Variants in LGALS12 observed in about 807,000 individuals in gnomAD.
LGALS12 encodes the protein galectin-12.
LGALS12 carries 36 observed loss-of-function variants against 36.8 expected under a neutral mutation model. That is an observed-to-expected ratio of 0.98 (90% CI 0.75 to 1.29). The LOEUF is 1.29. LGALS12 is among the 50% of genes most tolerant of loss of function. The pLI is 0.00. For synonymous variants in LGALS12, 145 were observed against 155.9 expected, an observed-to-expected ratio of 0.93 and a Z score of 0.52; for missense variants, 366 against 394.3, an observed-to-expected ratio of 0.93 and a Z score of 0.61.
intron 7 of LGALS12, among the ~76,000 whole-genome samples, chr11:63,512,744 G>A (rs954262136): frequency 1.0e-4 from 15 of 149,840 alleles, no homozygotes; most frequent in South Asian, 6.4e-4. Context: ...ATCCGAGATC[G>A]CGCCACTGCA....
Position 63,510,465 on chromosome 11 carries a change from A to G in LGALS12, c.495A>G (p.Pro165=). The change falls in exon 5 of 9, where the codon CCA becomes CCG. Residue 165 remains proline, a splice_region_variant and synonymous_variant. Coordinates refer to ENST00000394618, the MANE Select transcript of LGALS12 (RefSeq NM_033101.4). ...TTCTTTTCTCTCTTTCTGAACAGCC[A>G]TTTGTGGAGGGCAGCAGAGAGTACC... The part of the protein sequence containing the change: ...VEAVGFLNIN[P]FVEGSREYPA... The G allele has an allele frequency of 6.2e-7, 1 of 1,614,150 alleles. No individual in the cohort carries two copies. The highest frequency in any genetic ancestry group is 1.1e-5 in the South Asian group (1 of 91,082).
chr11:63,509,209 A>G (rs1399113655), intron 3 of LGALS12, among the ~76,000 whole-genome samples: 10 of 152,244 alleles, frequency 6.6e-5, no homozygotes, highest in Non-Finnish European at 1.5e-4. Context: ...CACTCCTGCC[A>G]TAGTCATGGC....
intron 5 of LGALS12, 134 bp from the exon 6 acceptor site, chr11:63,510,945 G>A (rs1218482881): frequency 5.5e-5 from 45 of 818,876 alleles, no homozygotes; most frequent in Non-Finnish European, 7.0e-5. Flanking sequence ...GATCCCACTG[G>A]GGCTCCAATG....
chr11:63,511,713 CT>C (rs2016928033), intron 6 of LGALS12, 38 bp from the exon 7 acceptor site: 1 of 1,493,614 alleles, frequency 6.7e-7, no homozygotes, highest in East Asian at 2.3e-5. Flanking sequence ...CCCAGTCCCC[CT>C]GGAAGTCAAC....
intron 7 of LGALS12, among the ~76,000 whole-genome samples, chr11:63,513,586 G>A (rs1051120763): frequency 7.9e-5 from 12 of 152,170 alleles, no homozygotes; most frequent in Admixed American, 2.6e-4. Flanking sequence ...CAGTTCAGCC[G>A]AGATCCACCA....
At chr11:63,512,020 C>T (rs2016941317) in intron 7 of LGALS12, among the ~76,000 whole-genome samples, 180 bp downstream of exon 7, 1 of 152,226 alleles carries the variant, frequency 6.6e-6, no homozygotes, top group African/African-American at 2.4e-5. Context: ...GAAGGTCAGG[C>T]TGGGACTGGG....
At chr11:63,516,224 C>A in intron 8 of LGALS12, 23 bp from the exon 9 acceptor site, 2 of 1,536,360 alleles carry the variant, frequency 1.3e-6, no homozygotes, top group Non-Finnish European at 1.7e-6. Flanking sequence ...AAGCTGCAAC[C>A]CCCTCATGTC....
rs184596246 is a variant in LGALS12 at position 63,515,850 on chromosome 11, G to A, written c.798+137G>A. 1.2e-4 allele frequency: 103 copies of A among 889,430 alleles called. No individual in the cohort carries two copies. In the African/African-American group the frequency reaches 1.4e-3, roughly 12 times the overall value. The allele number at this position is 889,430 out of a possible 1,614,324, so 55.1% of individuals were successfully genotyped here. On this transcript the variant is annotated intron_variant, in intron 8 of 8. Transcript: ENST00000394618. The stretch of plus-strand genomic sequence containing the variant: ...GAGGCCAGAGCCAGCAGAGCACAGC[G>A]AATGTCTGTACAGCAGTCCTCAACG...
At position 63,508,917 on chromosome 11, in the gene LGALS12, C is replaced by A; in HGVS notation, c.298C>A (p.Arg100=). Residue 100 remains arginine (R), a synonymous_variant, in exon 3 of 9, where the codon CGG becomes AGG. Transcript: ENST00000394618. ...TGGTGGACGCTGGCAAAGGGAGGCC[C>A]GGTGGCCCCACCTGGCCCTGCGAAG... is the stretch of plus-strand genomic sequence containing the variant. ...LHGGRWQREA[R]WPHLALRRGS... 1 of 1,614,190 alleles carries A rather than the reference C, an allele frequency of 6.2e-7. No individual in the cohort carries two copies. The highest frequency in any genetic ancestry group is 1.7e-5 in the Admixed American group (1 of 60,032).
rs1157435510 is a variant in LGALS12, at chr11:63,506,445, G to T, written c.-14G>T. ...CCTGGAACGAGGATCTACAGTTGGAGTTGCCCCACTGTCATGTCACCTGGA... is the reference window on the plus strand; with the variant it reads ...CCTGGAACGAGGATCTACAGTTGGATTTGCCCCACTGTCATGTCACCTGGA... On this transcript the variant is annotated 5_prime_UTR_variant, in exon 1 of 9. Transcript: ENST00000394618. The T allele has an allele frequency of 6.2e-7, 1 of 1,614,184 alleles. No individual in the cohort carries two copies. Among genetic ancestry groups the T allele is most frequent in the Non-Finnish European group, 8.5e-7 (1 of 1,180,002 alleles).
At chr11:63,507,047 C>T (rs1027598341) in intron 1 of LGALS12, among the ~76,000 whole-genome samples, 2 of 152,192 alleles carry the variant, frequency 1.3e-5, no homozygotes, top group Admixed American at 1.3e-4. Context: ...TTAATTATCA[C>T]TTTCCCTTAC....
chr11:63,506,417 G>A lies in LGALS12; in HGVS notation c.-42G>A. 1 of 1,614,238 alleles carries A rather than the reference G, an allele frequency of 6.2e-7. No individual in the cohort carries two copies. The highest frequency in any genetic ancestry group is 8.5e-7 in the Non-Finnish European group (1 of 1,180,034). On this transcript the variant is annotated 5_prime_UTR_variant, in exon 1 of 9. Coordinates refer to ENST00000394618, the MANE Select transcript of LGALS12 (RefSeq NM_033101.4). Reference sequence around the variant, plus strand: ...GATGAGTCAGCCCAGTGGGGGCAGGGCTCCTGGAACGAGGATCTACAGTTG... The same window carrying A: ...GATGAGTCAGCCCAGTGGGGGCAGGACTCCTGGAACGAGGATCTACAGTTG...
intron 7 of LGALS12, among the ~76,000 whole-genome samples, chr11:63,514,337 C>A (rs563933144): frequency 6.6e-6 from 1 of 152,260 alleles, no homozygotes; most frequent in South Asian, 2.1e-4. Context: ...TTTGGGAGGC[C>A]AAGGTGGGCA....
intron 2 of LGALS12, 31 bp downstream of exon 2, chr11:63,508,672 T>C: frequency 2.5e-6 from 4 of 1,613,738 alleles, no homozygotes; most frequent in Non-Finnish European, 3.4e-6. Flanking sequence ...CAGGGGGTGC[T>C]GGAGCTCAGC....
At position 63,509,938 on chromosome 11, in the gene LGALS12, C is replaced by T. The variant is rs745769071; in HGVS notation, c.492+41C>T. On this transcript the variant is annotated intron_variant, in intron 4 of 8. Coordinates refer to ENST00000394618, the MANE Select transcript of LGALS12 (RefSeq NM_033101.4). ...ACCAAGGCCTGGGCAGTGGCAGCCT[C>T]TAATTTCCCCTGACTCCTGGACGGG... 13 of 1,599,828 alleles carry T rather than the reference C, an allele frequency of 8.1e-6. 1 individual carries two copies. Among genetic ancestry groups the T allele is most frequent in the Middle Eastern group, 1.9e-4 (1 of 5,292 alleles).
At chr11:63,509,133 G>A (rs1056106885) in intron 3 of LGALS12, 142 bp downstream of exon 3, 21 of 709,772 alleles carry the variant, frequency 3.0e-5, no homozygotes, top group East Asian at 2.7e-4. Context: ...TGCCATGCCC[G>A]GTTCCAGGCT....
intron 4 of LGALS12, 72 bp downstream of exon 4, chr11:63,509,969 G>T (rs1233649046): frequency 1.9e-6 from 3 of 1,545,458 alleles, no homozygotes; most frequent in Admixed American, 1.9e-5. Flanking sequence ...ACGGGCCTGG[G>T]ACCCCTTCCT....
chr11:63,510,560 T>G (rs538052412), intron 5 of LGALS12, 59 bp downstream of exon 5: 1 of 1,532,450 alleles, frequency 6.5e-7, no homozygotes, highest in African/African-American at 1.4e-5. Flanking sequence ...CCTTCTGGAC[T>G]GCTGCTCCCA....
intron 1 of LGALS12, chr11:63,508,191 A>C (rs930664996): frequency 1.8e-6 from 2 of 1,108,368 alleles, no homozygotes; most frequent in Non-Finnish European, 2.2e-6. Context: ...AGTCCTCAGA[A>C]AGCCCCAGTA....
Sources: allele counts gnomAD v4.1 joint callset (sites outside exome capture counted in the v4.1 genomes callset), GRCh38; gene constraint gnomAD v4.1.1; transcripts MANE v1.5; gene names NCBI Gene and HGNC (gene_info 2026-07-23, HGNC 2026-07-21).